ABCD4: variants seen among roughly 807,000 people sequenced by gnomAD.
The protein encoded by ABCD4 is ATP binding cassette subfamily D member 4.
In ABCD4, 53 loss-of-function variants were observed where a neutral mutation model predicts 86.3. The observed-to-expected ratio is 0.61, with a 90% CI of 0.49 to 0.77. The LOEUF (loss-of-function observed/expected upper bound fraction) is 0.77. Among genes scored for constraint, ABCD4 ranks in the 30% least tolerant of loss-of-function variants. The pLI, the probability that ABCD4 is intolerant of heterozygous loss-of-function variation, is 0.00. For missense variants in ABCD4, 757 were observed against 764.5 expected (o/e 0.99, Z 0.12); for synonymous variants, 328 against 313.6 (o/e 1.05, Z -0.49).
chr14:74,289,611 C>A, intron 13 of ABCD4, 92 bp from the exon 14 acceptor site: 1 of 1,555,242 alleles, frequency 6.4e-7, no homozygotes, highest in Non-Finnish European at 8.7e-7. Context: ...CCACTGGAAC[C>A]TCCCAAGGAG....
In ABCD4 at chr14:74,288,898, G is replaced by A. The variant is rs1386978970; in HGVS notation, c.1457-133C>T. 1.7e-5 allele frequency: 20 copies of A among 1,191,124 alleles called. No individual in the cohort carries two copies. In the Admixed American group the frequency reaches 1.8e-4, roughly 11 times the overall value. The allele number at this position is 1,191,124 out of a possible 1,614,324, so 73.8% of individuals were successfully genotyped here. On this transcript the variant is annotated intron_variant, in intron 14 of 18. Transcript: ENST00000356924. ...GGAGGCCGAGGCAGGTGGATCACAA[G>A]GTCAGGAGATGGAGACCACCCTGGC...
rs147446660 is a variant in ABCD4 at position 74,300,166 on chromosome 14, C to G, written c.141G>C (p.Leu47Phe). The stretch of plus-strand genomic sequence containing the variant: ...CTCACTCACCCAGTAGGGTCAGGCA[C>G]AAAAGGGTCAGGAACATCAAGGCAT... ...SQNALMFLTL[L>F]CLTLLEQFVI... Residue 47 changes from leucine (L) to phenylalanine (F), a missense_variant, in exon 2 of 19, where the codon TTG becomes TTC. Transcript: ENST00000356924. 4.7e-4 allele frequency: 762 copies of G among 1,610,482 alleles called. 3 individuals are homozygous for G. In the Middle Eastern group the frequency reaches 8.2e-3, roughly 17 times the overall value.
chr14:74,292,565 A>G lies in ABCD4; in HGVS notation c.1014T>C (p.Ala338=). ...CACGGCCTCACCTGTGCGTGTAGCC[A>G]GCCACATCTGAGAGCGTCGTGGACA... ...IDLSTTLSDV[A]GYTHRIGQLR... Residue 338 remains alanine (A), a synonymous_variant, in exon 10 of 19, where the codon GCT becomes GCC. Transcript: ENST00000356924. The G allele has an allele frequency of 6.2e-7, 1 of 1,614,048 alleles. No individual in the cohort carries two copies. The highest frequency in any genetic ancestry group is 8.5e-7 in the Non-Finnish European group (1 of 1,179,994).
At chr14:74,300,333 T>C in intron 1 of ABCD4, 65 bp from the exon 2 acceptor site, 2 of 1,060,432 alleles carry the variant, frequency 1.9e-6, no homozygotes, top group South Asian at 2.6e-5. Context: ...GGAGTAGTTA[T>C]TAAGCTCATC....
chr14:74,298,921 G>A (rs2083574277), intron 3 of ABCD4: 1 of 153,904 alleles, frequency 6.5e-6, no homozygotes, highest in Non-Finnish European at 1.4e-5. Flanking sequence ...TGAGCTCACA[G>A]TTTAGCCAGA....
At chr14:74,293,473 C>A (rs998346465) in intron 7 of ABCD4, 2 of 433,824 alleles carry the variant, frequency 4.6e-6, no homozygotes, top group African/African-American at 4.0e-5. Context: ...TAGTTCAAAT[C>A]CTGGCTCTGG....
At chr14:74,293,279 G>A in intron 7 of ABCD4, 31 bp from the exon 8 acceptor site, 1 of 1,608,856 alleles carries the variant, frequency 6.2e-7, no homozygotes, top group South Asian at 1.1e-5. Flanking sequence ...TGTCCACAGG[G>A]CTGGAGAGGT....
rs745972545 is a variant in ABCD4 at position 74,295,824 on chromosome 14, G to A, written c.668+30C>T. ...CCCCTTCCTTAACTATTATGCCCCA[G>A]CCCAGAAACCTCAAGTGAGGGAGAC... On this transcript the variant is annotated intron_variant, in intron 6 of 18. Coordinates refer to ENST00000356924, the MANE Select transcript of ABCD4 (RefSeq NM_005050.4). 3.7e-6 allele frequency: 6 copies of A among 1,612,624 alleles called. No individual in the cohort carries two copies. The South Asian group carries it at 6.6e-5, about 18-fold the overall frequency.
intron 3 of ABCD4, 41 bp from the exon 4 acceptor site, chr14:74,298,110 C>T: frequency 2.5e-6 from 4 of 1,603,322 alleles, no homozygotes; most frequent in South Asian, 1.1e-5. Context: ...GAGATGGCTT[C>T]CTGAAAATCT....
intron 1 of ABCD4, among the ~76,000 whole-genome samples, chr14:74,302,494 G>GA (rs1371673402): frequency 4.5e-4 from 68 of 152,342 alleles, no homozygotes; most frequent in African/African-American, 1.6e-3. Flanking sequence ...TCTGGGAATA[G>GA]GAACGAAGAG....
chr14:74,292,593 T>C lies in ABCD4; in HGVS notation c.986A>G (p.Asp329Gly), dbSNP rs772497279. 1.2e-6 allele frequency: 2 copies of C among 1,611,056 alleles called. No individual in the cohort carries two copies. The highest frequency in any genetic ancestry group is 4.5e-5 in the East Asian group (2 of 44,710). ...YLISCFTQLIDLSTTLSDVAG... is the reference protein window; with the variant it reads ...YLISCFTQLIGLSTTLSDVAG... Reference sequence around the variant, plus strand: ...CACATCTGAGAGCGTCGTGGACAGGTCGATGAGCTGGGTGAAGCAGCTGAT... The same window carrying C: ...CACATCTGAGAGCGTCGTGGACAGGCCGATGAGCTGGGTGAAGCAGCTGAT... Residue 329 changes from aspartate to glycine, a missense_variant, in exon 10 of 19, where the codon GAC becomes GGC. Coordinates refer to ENST00000356924, the MANE Select transcript of ABCD4 (RefSeq NM_005050.4).
chr14:74,286,400 T>C lies in ABCD4; in HGVS notation c.*61A>G. 6.4e-7 allele frequency: 1 copy of C among 1,574,652 alleles called. No individual in the cohort carries two copies. The highest frequency in any genetic ancestry group is 2.2e-5 in the East Asian group (1 of 44,668). On this transcript the variant is annotated 3_prime_UTR_variant, in exon 19 of 19. Coordinates refer to ENST00000356924, the MANE Select transcript of ABCD4 (RefSeq NM_005050.4). ...GCTCGATCTTCGCTGTCAGTCCTCC[T>C]GGTCTCTCCTGAGGGCCGCCGACCC... is the stretch of plus-strand genomic sequence containing the variant.
At chr14:74,299,825 G>C in intron 2 of ABCD4, 150 bp from the exon 3 acceptor site, 5 of 705,506 alleles carry the variant, frequency 7.1e-6, no homozygotes, top group Non-Finnish European at 7.0e-6. Context: ...ACTTTGGGAG[G>C]CTGAGGCGGG....
chr14:74,296,377 G>C lies in ABCD4; in HGVS notation c.498C>G (p.Ile166Met). The part of the protein sequence containing the change: ...QLSSMASKLI[I>M]SPFTLVYYTY... The stretch of plus-strand genomic sequence containing the variant: ...TGTAGTAGACGAGGGTGAACGGGGA[G>C]ATGATGAGCTTGCTGGCCATGCTGC... The change falls in exon 5 of 19, where the codon ATC becomes ATG. Residue 166 changes from isoleucine to methionine, a missense_variant. Coordinates refer to ENST00000356924, the MANE Select transcript of ABCD4 (RefSeq NM_005050.4). 1 of 1,614,202 alleles carries C rather than the reference G, an allele frequency of 6.2e-7. No individual in the cohort carries two copies. Among genetic ancestry groups the C allele is most frequent in the Non-Finnish European group, 8.5e-7 (1 of 1,180,040 alleles).
intron 1 of ABCD4, among the ~76,000 whole-genome samples, chr14:74,302,205 T>C (rs1371336470): frequency 6.6e-6 from 1 of 152,078 alleles, no homozygotes; most frequent in Admixed American, 6.6e-5. Context: ...GTGTTAATAC[T>C]AGAAAAAAAT....
At chr14:74,288,358 T>C in intron 15 of ABCD4, 99 bp from the exon 16 acceptor site, 1 of 1,206,584 alleles carries the variant, frequency 8.3e-7, no homozygotes, top group Non-Finnish European at 1.2e-6. Flanking sequence ...CACACACACC[T>C]CTAAGACAAA....
rs1298286100 is a variant in ABCD4 at position 74,290,373 on chromosome 14, C to G, written c.1245G>C (p.Gln415His). Residue 415 changes from glutamine to histidine, a missense_variant, in exon 12 of 19, where the codon CAG becomes CAC. Transcript: ENST00000356924. ...KDLSLKISEG[Q>H]SLLITGNTGT... The stretch of plus-strand genomic sequence containing the variant: ...CCGTGTTGCCTGTGATGAGCAGGCT[C>G]TGTCCCTCGGAGATCTTTAGGCTCA... The G allele has an allele frequency of 1.2e-6, 2 of 1,614,138 alleles. No homozygotes were observed.
rs45516495 is a variant in ABCD4, at chr14:74,289,414, C to T, written c.1456+69G>A. On this transcript the variant is annotated intron_variant, in intron 14 of 18. Coordinates refer to ENST00000356924, the MANE Select transcript of ABCD4 (RefSeq NM_005050.4). ...CCTCTCCCCAAGGGCACAGATGAGG[C>T]CACAGTCAGGTAGAGCAGGGACAAC... 4.7e-3 allele frequency: 7,601 copies of T among 1,601,970 alleles called. 24 individuals are homozygous for T. The highest frequency in any genetic ancestry group is 5.8e-3 in the Non-Finnish European group (6,858 of 1,174,632).
At chr14:74,301,900 AAAAGAAAG>A (rs533778989) in intron 1 of ABCD4, among the ~76,000 whole-genome samples, 187 of 152,002 alleles carry the variant, frequency 1.2e-3, no homozygotes, top group African/African-American at 3.6e-3. Flanking sequence ...ACTCCGTCTC[AAAAGAAAG>A]AAAGAAAGAA....
Sources: allele counts gnomAD v4.1 joint callset (sites outside exome capture counted in the v4.1 genomes callset), GRCh38; gene constraint gnomAD v4.1.1; transcripts MANE v1.5; gene names NCBI Gene and HGNC (gene_info 2026-07-23, HGNC 2026-07-21).